The following PPIP5K2 variants were observed in gnomAD, a reference collection of about 807,000 sequenced individuals.
PPIP5K2 encodes the protein inositol hexakisphosphate and diphosphoinositol-pentakisphosphate kinase 2.
PPIP5K2 carries 105 observed loss-of-function variants against 154.6 expected under a neutral mutation model. The observed-to-expected ratio is 0.68, with a 90% CI of 0.58 to 0.80. PPIP5K2 has a LOEUF of 0.80. PPIP5K2 is among the 30% of genes least tolerant of loss of function. PPIP5K2 has a pLI of 0.00. For synonymous variants in PPIP5K2, 480 were observed against 490.3 expected (o/e 0.98, Z 0.28); for missense variants, 992 against 1,504.6 (o/e 0.66, Z 5.64).
chr5:103,141,509 C>T (rs1236296241), intron 5 of PPIP5K2, among the ~76,000 whole-genome samples: 2 of 152,154 alleles, frequency 1.3e-5, no homozygotes, highest in African/African-American at 4.8e-5. Context: ...TTATCTGGCC[C>T]CACCCACATC....
intron 5 of PPIP5K2, among the ~76,000 whole-genome samples, chr5:103,142,002 G>C (rs1419559435): frequency 1.3e-5 from 2 of 152,246 alleles, no homozygotes; most frequent in African/African-American, 2.4e-5. Context: ...GCTGCAGGTG[G>C]AGCTGCCTGC....
Position 103,158,191 on chromosome 5 carries a change from G to A in PPIP5K2, c.1493G>A (p.Ser498Asn). The part of the protein sequence containing the change: ...CPKTSSEEED[S>N]RREEPSLLLV... ...TATTCATTCATATGTGTCATAGACAGCCGAAGAGAAGAACCATCTTTACTT... is the reference window on the plus strand; with the variant it reads ...TATTCATTCATATGTGTCATAGACAACCGAAGAGAAGAACCATCTTTACTT... Residue 498 changes from serine to asparagine, a missense_variant, in exon 15 of 31, where the codon AGC becomes AAC. Physicochemically the swap from Ser to Asn is conservative, Grantham distance 46 (BLOSUM62 1). Transcript: ENST00000358359. 6.2e-7 allele frequency: 1 copy of A among 1,612,844 alleles called. No homozygotes were observed. The highest frequency in any genetic ancestry group is 8.5e-7 in the Non-Finnish European group (1 of 1,178,852).
chr5:103,141,228 G>A (rs1554206616), intron 5 of PPIP5K2, among the ~76,000 whole-genome samples: 1 of 152,130 alleles, frequency 6.6e-6, no homozygotes, highest in East Asian at 1.9e-4. Context: ...AGACCCTCGC[G>A]GTGAGTGTTA....
chr5:103,158,120 A>G, intron 14 of PPIP5K2, 68 bp from the exon 15 acceptor site: 1 of 1,523,430 alleles, frequency 6.6e-7, no homozygotes, highest in East Asian at 2.3e-5. Flanking sequence ...ACAGAGAAAA[A>G]AATGAATCTT....
At chr5:103,158,043 T>C (rs1795690178) in intron 14 of PPIP5K2, 145 bp from the exon 15 acceptor site, 2 of 831,218 alleles carry the variant, frequency 2.4e-6, no homozygotes, top group Non-Finnish European at 3.7e-6. Flanking sequence ...TTAAGGAACA[T>C]ACATGCAACA....
chr5:103,125,282 T>C (rs1285913162), intron 1 of PPIP5K2, among the ~76,000 whole-genome samples: 1 of 152,182 alleles, frequency 6.6e-6, no homozygotes, highest in Non-Finnish European at 1.5e-5. Context: ...TAGTATATTA[T>C]CTTACATATA....
At chr5:103,187,421 CT>C in intron 28 of PPIP5K2, 45 bp downstream of exon 28, 1 of 1,377,442 alleles carries the variant, frequency 7.3e-7, no homozygotes, top group Non-Finnish European at 9.9e-7. Flanking sequence ...TGCTTCATCC[CT>C]TTTTTATTTT....
In PPIP5K2 at chr5:103,204,170, T is replaced by C. The variant is rs1803354550; in HGVS notation, c.*2536T>C. On this transcript the variant is annotated 3_prime_UTR_variant, in exon 31 of 31. Transcript: ENST00000358359. ...CACTGTTAACTAGTGCCATGCCAGT[T>C]TGAACCAAGATTTCACATTTTTGTT... The C allele has an allele frequency of 6.6e-6, 1 of 152,222 alleles. No individual in the cohort carries two copies. Among genetic ancestry groups the C allele is most frequent in the Non-Finnish European group, 1.5e-5 (1 of 68,042 alleles). 9.4% of individuals were successfully genotyped at this position (152,222 alleles called of 1,614,324 possible). A position where few individuals can be genotyped will look rare whatever the true frequency, so the allele number is the denominator to read the frequency against.
chr5:103,184,843 C>G, intron 26 of PPIP5K2, 99 bp downstream of exon 26: 1 of 823,862 alleles, frequency 1.2e-6, no homozygotes, highest in Middle Eastern at 2.3e-4. Context: ...AAATGCTATG[C>G]TGTAGTTTTT....
intron 5 of PPIP5K2, among the ~76,000 whole-genome samples, chr5:103,143,412 C>T (rs1554207916): frequency 6.6e-6 from 1 of 152,174 alleles, no homozygotes; most frequent in African/African-American, 2.4e-5. Flanking sequence ...TTTCAAAACT[C>T]CTTGGCTCAT....
chr5:103,163,903 C>T (rs1796735746), intron 17 of PPIP5K2, among the ~76,000 whole-genome samples: 1 of 151,712 alleles, frequency 6.6e-6, no homozygotes, highest in Non-Finnish European at 1.5e-5. Flanking sequence ...TCAGATTGGC[C>T]TTTACTTTTT....
intron 13 of PPIP5K2, among the ~76,000 whole-genome samples, chr5:103,155,406 CTTTTTTTTTTTTTTTTTTTT>C (rs70990423): frequency 0.026 from 551 of 21,088 alleles, 12 homozygotes; most frequent in African/African-American, 0.052. Context: ...TCAGAGTTGT[CTTTTTTTTTTTTTTTTTTTT>C]TTTTTTTTTT....
intron 28 of PPIP5K2, among the ~76,000 whole-genome samples, chr5:103,190,093 CAT>C (rs1800987348): frequency 1.3e-5 from 2 of 151,930 alleles, no homozygotes; most frequent in African/African-American, 2.4e-5. Flanking sequence ...TGTTTAAAAA[CAT>C]AAACTGTGTA....
At chr5:103,133,778 C>A in intron 3 of PPIP5K2, 130 bp downstream of exon 3, 1 of 656,016 alleles carries the variant, frequency 1.5e-6, no homozygotes, top group Non-Finnish European at 2.3e-6. Context: ...GTAATATTAA[C>A]ATTGTGATAT....
At position 103,200,278 on chromosome 5, in the gene PPIP5K2, T is replaced by C. The variant is rs541668974; in HGVS notation, c.3620-1244T>C. 4.9e-4 allele frequency among the ~76,000 whole-genome samples: 74 copies of C among 152,288 alleles called. 2 individuals carry two copies. The highest frequency in any genetic ancestry group is 3.9e-3 in the Admixed American group (59 of 15,274). On this transcript the variant is annotated intron_variant, in intron 30 of 30. Transcript: ENST00000358359. The stretch of plus-strand genomic sequence containing the variant: ...CTCATCCTTTTTGAGATTTTCCACC[T>C]TACTTTCTAGCAGCTGTAGTTGCTG...
At chr5:103,198,574 G>C (rs1395252096) in intron 30 of PPIP5K2, among the ~76,000 whole-genome samples, 3 of 151,950 alleles carry the variant, frequency 2.0e-5, no homozygotes, top group Non-Finnish European at 4.4e-5. Context: ...TTGTGTTTTG[G>C]AGCTCTGTTA....
At chr5:103,175,160 A>G (rs79738643) in intron 21 of PPIP5K2, among the ~76,000 whole-genome samples, 1,603 of 152,262 alleles carry the variant, frequency 0.011, 24 homozygotes, top group African/African-American at 0.037. Flanking sequence ...CTTTTAAAAG[A>G]AGGGCAGTGA....
chr5:103,161,893 T>C (rs970654702), intron 17 of PPIP5K2, among the ~76,000 whole-genome samples: 3 of 151,962 alleles, frequency 2.0e-5, no homozygotes, highest in African/African-American at 4.8e-5. Context: ...TTTTCTCCCA[T>C]TCTGTAGGTT....
intron 2 of PPIP5K2, among the ~76,000 whole-genome samples, chr5:103,129,950 A>T (rs934049743): frequency 6.6e-6 from 1 of 152,210 alleles, no homozygotes; most frequent in African/African-American, 2.4e-5. Context: ...GTTAGGTAAC[A>T]AAAGTGGCAA....
Sources: gnomAD v4.1 joint callset for allele counts (sites outside exome capture counted in the v4.1 genomes callset) on GRCh38, gnomAD v4.1.1 for gene constraint, MANE v1.5 for transcripts, NCBI Gene and HGNC (gene_info 2026-07-23, HGNC 2026-07-21) for gene names.